ZNF804B: variants seen among roughly 807,000 people sequenced by gnomAD.
The protein encoded by ZNF804B is zinc finger 804B.
Under a neutral mutation model 101.4 loss-of-function variants are expected in ZNF804B, and 80 were observed. That is an observed-to-expected ratio of 0.79 (90% CI 0.66 to 0.95). The LOEUF is 0.95. Ranked by LOEUF, ZNF804B falls within the 40% of genes least tolerant of loss-of-function variation. The pLI, the probability that ZNF804B is intolerant of heterozygous loss-of-function variation, is 0.00. For missense variants in ZNF804B, 1,673 were observed against 1,561.9 expected, an observed-to-expected ratio of 1.07 and a Z score of -1.20; for synonymous variants, 622 against 558.8, an observed-to-expected ratio of 1.11 and a Z score of -1.59.
rs977619190 is a variant in ZNF804B, at chr7:89,310,961, T to C, written c.250-16383T>C. On this transcript the variant is annotated intron_variant, in intron 2 of 3. Coordinates refer to ENST00000333190, the MANE Select transcript of ZNF804B (RefSeq NM_181646.5). ...GGAGAGCAGAGGTTTGCTAAAGGAT[T>C]CTCTTAAGATTTTTTTTTTTTTAAT... Among the ~76,000 whole-genome samples the C allele has an allele frequency of 2.2e-5, 3 of 137,078 alleles. No homozygotes were observed. In the South Asian group the frequency reaches 6.7e-4, roughly 30 times the overall value. The allele number at this position is 137,078 out of a possible 152,430, so 89.9% of individuals were successfully genotyped here. A position where few individuals can be genotyped will look rare whatever the true frequency, so the allele number is the denominator to read the frequency against.
chr7:88,918,252 T>C (rs1361950587), intron 1 of ZNF804B, among the ~76,000 whole-genome samples: 2 of 152,144 alleles, frequency 1.3e-5, no homozygotes, highest in Non-Finnish European at 2.9e-5. Flanking sequence ...TCCGTTGGCA[T>C]GTGCTCTTTA....
intron 1 of ZNF804B, among the ~76,000 whole-genome samples, chr7:89,206,111 G>A (rs2115663248): frequency 6.6e-6 from 1 of 152,312 alleles, no homozygotes; most frequent in East Asian, 1.9e-4. Flanking sequence ...AGCCATGGCT[G>A]GAGCAGCTGG....
In ZNF804B at chr7:88,779,825, A is replaced by C. The variant is rs571885328; in HGVS notation, c.108+19741A>C. On this transcript the variant is annotated intron_variant, in intron 1 of 3. Transcript: ENST00000333190. ...AATGGCATTTAAATTGTTGATTCAC[A>C]TATCTGTTCTCCTTTCTTCGATTCC... Among the ~76,000 whole-genome samples the C allele has an allele frequency of 4.6e-5, 7 of 152,242 alleles. No homozygotes were observed. In the South Asian group the frequency reaches 1.2e-3, roughly 27 times the overall value.
chr7:89,176,281 G>A (rs1433582819), intron 1 of ZNF804B, among the ~76,000 whole-genome samples: 1 of 151,848 alleles, frequency 6.6e-6, no homozygotes, highest in Non-Finnish European at 1.5e-5. Flanking sequence ...CCAGTTTTTT[G>A]AGGGATTTGT....
chr7:89,129,041 A>G (rs750993485), intron 1 of ZNF804B, among the ~76,000 whole-genome samples: 6 of 151,916 alleles, frequency 3.9e-5, no homozygotes, highest in Non-Finnish European at 7.4e-5. Flanking sequence ...TATCCTTGTT[A>G]TTTCCAGGGA....
At chr7:89,141,830 T>C (rs1790722206) in intron 1 of ZNF804B, among the ~76,000 whole-genome samples, 1 of 151,474 alleles carries the variant, frequency 6.6e-6, no homozygotes, top group Non-Finnish European at 1.5e-5. Flanking sequence ...CAGCAATATC[T>C]AGGAGGGGAC....
At chr7:89,202,035 A>G (rs1562914202) in intron 1 of ZNF804B, among the ~76,000 whole-genome samples, 1 of 151,982 alleles carries the variant, frequency 6.6e-6, no homozygotes, top group Non-Finnish European at 1.5e-5. Flanking sequence ...AATTAATCCT[A>G]TCCTTGCAGG....
At chr7:89,215,917 A>AAATAAATG (rs1297053614) in intron 1 of ZNF804B, among the ~76,000 whole-genome samples, 90 of 151,014 alleles carry the variant, frequency 6.0e-4, no homozygotes, top group Non-Finnish European at 1.1e-3. Context: ...ATAAATAAAT[A>AAATAAATG]AATAAATAAA....
Position 89,247,158 on chromosome 7 carries a change from G to A in ZNF804B, c.249+28863G>A, listed in dbSNP as rs73399118. 4.3e-3 allele frequency among the ~76,000 whole-genome samples: 650 copies of A among 152,306 alleles called. 1 individual carries two copies. Among genetic ancestry groups the A allele is most frequent in the African/African-American group, 0.015 (608 of 41,542 alleles). On this transcript the variant is annotated intron_variant, in intron 2 of 3. Transcript: ENST00000333190. ...GTTCCACACACCTAGGCACACCTCT[G>A]GGCACTTGGTGGCTGCCCAGTGGAT...
intron 1 of ZNF804B, among the ~76,000 whole-genome samples, chr7:89,083,261 A>G (rs1049702558): frequency 2.0e-5 from 3 of 151,862 alleles, no homozygotes; most frequent in Admixed American, 1.3e-4. Flanking sequence ...CCTACACAGT[A>G]TAATATTACA....
intron 1 of ZNF804B, among the ~76,000 whole-genome samples, chr7:88,916,922 T>C (rs992058907): frequency 2.6e-5 from 4 of 152,126 alleles, no homozygotes; most frequent in African/African-American, 4.8e-5. Flanking sequence ...TGTTGAAATA[T>C]GCAGGTCTAG....
chr7:89,225,005 A>C (rs775899719), intron 2 of ZNF804B, among the ~76,000 whole-genome samples: 1 of 152,068 alleles, frequency 6.6e-6, no homozygotes, highest in Non-Finnish European at 1.5e-5. Flanking sequence ...CTTCTACCTT[A>C]TGACACTGGC....
intron 1 of ZNF804B, among the ~76,000 whole-genome samples, chr7:89,040,687 A>T (rs567172604): frequency 6.6e-6 from 1 of 152,050 alleles, no homozygotes; most frequent in Non-Finnish European, 1.5e-5. Context: ...ATTATTTGTA[A>T]TCCTGTGGAC....
intron 1 of ZNF804B, among the ~76,000 whole-genome samples, chr7:88,762,787 T>G (rs907982683): frequency 2.0e-5 from 3 of 151,966 alleles, no homozygotes; most frequent in African/African-American, 4.8e-5. Context: ...TCACTGAAAC[T>G]CAGTTTATTT....
In ZNF804B at chr7:89,178,884, G is replaced by A. The variant is rs192310967; in HGVS notation, c.109-39271G>A. Among the ~76,000 whole-genome samples the A allele has an allele frequency of 7.9e-3, 1,206 of 152,036 alleles. 6 individuals are homozygous for A. The highest frequency in any genetic ancestry group is 0.014 in the Middle Eastern group (4 of 294). Reference sequence around the variant, plus strand: ...TTATAAAATCCTTCACCTTTTGTTCGTCTGGGAAAGTCTTTATCTCTCCTT... The same window carrying A: ...TTATAAAATCCTTCACCTTTTGTTCATCTGGGAAAGTCTTTATCTCTCCTT... On this transcript the variant is annotated intron_variant, in intron 1 of 3. Coordinates refer to ENST00000333190, the MANE Select transcript of ZNF804B (RefSeq NM_181646.5).
chr7:89,283,298 A>G (rs1016190286), intron 2 of ZNF804B, among the ~76,000 whole-genome samples: 1 of 152,218 alleles, frequency 6.6e-6, no homozygotes, highest in African/African-American at 2.4e-5. Flanking sequence ...GAGAAGCATT[A>G]AAAAAAGAGA....
intron 1 of ZNF804B, among the ~76,000 whole-genome samples, chr7:88,856,444 G>T (rs1583979239): frequency 6.6e-6 from 1 of 152,174 alleles, no homozygotes; most frequent in East Asian, 1.9e-4. Context: ...TGTGATTTTT[G>T]CACATTGATT....
At chr7:89,229,627 A>G (rs750461562) in intron 2 of ZNF804B, among the ~76,000 whole-genome samples, 2 of 152,232 alleles carry the variant, frequency 1.3e-5, no homozygotes, top group Non-Finnish European at 2.9e-5. Context: ...GGAGATACCA[A>G]TACCTGTTTG....
intron 1 of ZNF804B, among the ~76,000 whole-genome samples, chr7:89,078,695 T>A (rs1429550656): frequency 1.3e-5 from 2 of 151,804 alleles, no homozygotes; most frequent in Admixed American, 1.3e-4. Context: ...TAACTAAGAT[T>A]TTTCTATTGC....
Sources: gnomAD v4.1 joint callset for allele counts (sites outside exome capture counted in the v4.1 genomes callset) on GRCh38, gnomAD v4.1.1 for gene constraint, MANE v1.5 for transcripts, NCBI Gene and HGNC (gene_info 2026-07-23, HGNC 2026-07-21) for gene names.